Variants in SYN2 observed in about 807,000 individuals in gnomAD.
SYN2 encodes synapsin II.
SYN2 carries 19 observed loss-of-function variants against 50.9 expected under a neutral mutation model. That is an observed-to-expected ratio of 0.37 (90% CI 0.26 to 0.55). The LOEUF (loss-of-function observed/expected upper bound fraction) is 0.55. Ranked by LOEUF, SYN2 falls within the 20% of genes least tolerant of loss-of-function variation. The probability of loss-of-function intolerance (pLI) is 0.81; values close to 1 mark genes in which losing one functional copy is unlikely to be tolerated. For synonymous variants in SYN2, 255 were observed against 224.9 expected (o/e 1.13, Z -1.20); for missense variants, 587 against 576.4 (o/e 1.02, Z -0.19).
chr3:12,047,506 G>A (rs547232133), intron 1 of SYN2, among the ~76,000 whole-genome samples: 49 of 152,242 alleles, frequency 3.2e-4, no homozygotes, highest in African/African-American at 1.1e-3. Flanking sequence ...CCTTGTTGAG[G>A]TGACAATCTG....
intron 1 of SYN2, among the ~76,000 whole-genome samples, chr3:12,035,754 A>C (rs1694485084): frequency 6.6e-6 from 1 of 152,132 alleles, no homozygotes; most frequent in African/African-American, 2.4e-5. Flanking sequence ...AGGAGTGCTA[A>C]TCTCTGGTTT....
chr3:12,129,486 A>G (rs1007929264), intron 1 of SYN2, among the ~76,000 whole-genome samples: 1 of 152,198 alleles, frequency 6.6e-6, no homozygotes, highest in African/African-American at 2.4e-5. Context: ...CACTCTTTCC[A>G]CTGTGCCACT....
At chr3:12,110,097 G>C (rs1696280663) in intron 1 of SYN2, among the ~76,000 whole-genome samples, 1 of 152,194 alleles carries the variant, frequency 6.6e-6, no homozygotes, top group Admixed American at 6.5e-5. Flanking sequence ...GCTGAGACAA[G>C]AGGGTTGCTT....
chr3:12,157,546 G>A, intron 5 of SYN2: 1 of 1,503,190 alleles, frequency 6.7e-7, no homozygotes, highest in Non-Finnish European at 9.2e-7. Context: ...CTGAGGTCTG[G>A]ATGATCCAGG....
At chr3:12,156,952 A>G in intron 5 of SYN2, 1 of 1,588,428 alleles carries the variant, frequency 6.3e-7, no homozygotes, top group Non-Finnish European at 8.6e-7. Flanking sequence ...GCAATTACAA[A>G]AAAAGGCAAT....
In SYN2 at chr3:12,191,831, AC is replaced by A. The variant is rs937564222; in HGVS notation, c.*1208del. On this transcript the variant is annotated 3_prime_UTR_variant, in exon 13 of 13. Transcript: ENST00000621198. ...TGGTGGTGCCAATGAGGCTGGACCA[AC>A]CTGCTCTGACAACCAGGCTCCCACA... Among the ~76,000 whole-genome samples the A allele has an allele frequency of 3.9e-5, 6 of 152,122 alleles. No individual in the cohort carries two copies. The highest frequency in any genetic ancestry group is 1.2e-4 in the African/African-American group (5 of 41,410).
At chr3:12,037,448 T>C (rs1694522203) in intron 1 of SYN2, among the ~76,000 whole-genome samples, 1 of 152,206 alleles carries the variant, frequency 6.6e-6, no homozygotes, top group Non-Finnish European at 1.5e-5. Flanking sequence ...CAAACATTTA[T>C]TTATTATAGT....
rs538162601 is a variant in SYN2 at position 12,131,886 on chromosome 3, C to G, written c.378-8765C>G. On this transcript the variant is annotated intron_variant, in intron 1 of 12. Transcript: ENST00000621198. ...AAGGCTGTTGAAGCCTCCCACAGAT[C>G]ACCTGATGAAATTTCATAAACTCCA... Among the ~76,000 whole-genome samples the G allele has an allele frequency of 9.9e-5, 15 of 152,208 alleles. No homozygotes were observed. In the South Asian group the frequency reaches 1.0e-3, roughly 11 times the overall value.
chr3:12,100,941 A>C (rs1237504406), intron 1 of SYN2, among the ~76,000 whole-genome samples: 1 of 152,158 alleles, frequency 6.6e-6, no homozygotes, highest in Non-Finnish European at 1.5e-5. Flanking sequence ...ACTATTTCAC[A>C]CCCCTTGTCA....
chr3:12,156,737 A>G, intron 5 of SYN2: 1 of 1,125,656 alleles, frequency 8.9e-7, no homozygotes, highest in South Asian at 1.3e-5. Context: ...CTACTGCCCA[A>G]GGAAGACCCT....
intron 12 of SYN2, among the ~76,000 whole-genome samples, chr3:12,188,600 T>C (rs73125108): frequency 0.015 from 1,612 of 108,622 alleles, 31 homozygotes; most frequent in African/African-American, 0.057. Context: ...AGAAAAACTT[T>C]GCTCAAAGAA....
intron 1 of SYN2, among the ~76,000 whole-genome samples, chr3:12,129,557 G>T (rs1696745254): frequency 6.6e-6 from 1 of 151,930 alleles, no homozygotes; most frequent in South Asian, 2.1e-4. Flanking sequence ...AATTTTTTCT[G>T]TGTAACATGG....
Position 12,057,287 on chromosome 3 carries a change from C to CTGTCTGTGTGTGTGTGTGTG in SYN2, c.377+52362_377+52363insCTGTGTGTGTGTGTGTGTGT, listed in dbSNP as rs71044259. ...AACCTGGGCGACAAGGCAAGACTGT[C>CTGTCTGTGTGTGTGTGTGTG]TGTGTGTGTGTGTGTGTGTGTGTGT... On this transcript the variant is annotated intron_variant, in intron 1 of 12. Transcript: ENST00000621198. 3.0e-4 allele frequency among the ~76,000 whole-genome samples: 40 copies of CTGTCTGTGTGTGTGTGTGTG among 134,004 alleles called. 1 individual carries two copies. Among genetic ancestry groups the CTGTCTGTGTGTGTGTGTGTG allele is most frequent in the East Asian group, 6.5e-4 (3 of 4,642 alleles). 87.9% of individuals were successfully genotyped at this position (134,004 alleles called of 152,430 possible). A position where few individuals can be genotyped will look rare whatever the true frequency, so the allele number is the denominator to read the frequency against.
intron 1 of SYN2, among the ~76,000 whole-genome samples, chr3:12,022,233 C>CA (rs987904637): frequency 2.0e-5 from 3 of 151,726 alleles, no homozygotes; most frequent in African/African-American, 7.3e-5. Flanking sequence ...TGGTAGGCCT[C>CA]AAAAAAAATG....
intron 1 of SYN2, among the ~76,000 whole-genome samples, chr3:12,052,882 C>T (rs1256365590): frequency 1.3e-5 from 2 of 152,234 alleles, no homozygotes; most frequent in Non-Finnish European, 2.9e-5. Context: ...TCACATCCTA[C>T]TTATCTTCCT....
At chr3:12,004,964 G>A (rs1359444684) in intron 1 of SYN2, 36 bp downstream of exon 1, 1 of 475,860 alleles carries the variant, frequency 2.1e-6, no homozygotes, top group Non-Finnish European at 3.7e-6. Context: ...GGGGGTCGGG[G>A]TCCGCCGGCA....
intron 11 of SYN2, chr3:12,184,640 G>T (rs1698301728): frequency 3.0e-6 from 3 of 985,930 alleles, no homozygotes; most frequent in Non-Finnish European, 2.4e-6. Flanking sequence ...AACTGTCTCA[G>T]ATTTAGCTTG....
chr3:12,106,117 T>C (rs1434578007), intron 1 of SYN2, among the ~76,000 whole-genome samples: 1 of 152,176 alleles, frequency 6.6e-6, no homozygotes, highest in Non-Finnish European at 1.5e-5. Flanking sequence ...CTTGTGGTTA[T>C]AGGACTAAGA....
At chr3:12,037,330 A>G (rs781089296) in intron 1 of SYN2, among the ~76,000 whole-genome samples, 1 of 152,164 alleles carries the variant, frequency 6.6e-6, no homozygotes, top group Non-Finnish European at 1.5e-5. Flanking sequence ...AGCTACATCC[A>G]CATTTTCAGG....
Sources: gnomAD v4.1 joint callset for allele counts (sites outside exome capture counted in the v4.1 genomes callset) on GRCh38, gnomAD v4.1.1 for gene constraint, MANE v1.5 for transcripts, NCBI Gene and HGNC (gene_info 2026-07-23, HGNC 2026-07-21) for gene names.